Variants in MALT1 observed in about 807,000 individuals in gnomAD.
MALT1 encodes the protein mucosa-associated lymphoid tissue lymphoma translocation protein 1.
Under a neutral mutation model 85.5 loss-of-function variants are expected in MALT1, and 36 were observed. The observed-to-expected ratio is 0.42, with a 90% CI of 0.32 to 0.56. The LOEUF is 0.56. Ranked by LOEUF, MALT1 falls within the 20% of genes least tolerant of loss-of-function variation. The pLI, the probability that MALT1 is intolerant of heterozygous loss-of-function variation, is 0.10. For synonymous variants in MALT1, 359 were observed against 361.3 expected (o/e 0.99, Z 0.07); for missense variants, 716 against 981.6 (o/e 0.73, Z 3.62).
intron 3 of MALT1, among the ~76,000 whole-genome samples, chr18:58,700,165 T>C (rs1415403043): frequency 6.6e-6 from 1 of 152,242 alleles, no homozygotes; most frequent in Non-Finnish European, 1.5e-5. Flanking sequence ...ATCTCTTAAA[T>C]GCCAGAGCAA....
intron 1 of MALT1, 32 bp downstream of exon 1, chr18:58,671,884 C>T (rs1265886242): frequency 1.7e-6 from 2 of 1,182,700 alleles, no homozygotes; most frequent in Non-Finnish European, 2.1e-6. Flanking sequence ...GCCGGGCGCG[C>T]GGGTCGAGCG....
chr18:58,678,575 A>G (rs937888110), intron 1 of MALT1, among the ~76,000 whole-genome samples: 1 of 152,142 alleles, frequency 6.6e-6, no homozygotes, highest in Non-Finnish European at 1.5e-5. Context: ...AGAAAAGCTC[A>G]CCGTTCTAAG....
chr18:58,686,406 G>A (rs923717358), intron 2 of MALT1, among the ~76,000 whole-genome samples: 21 of 152,200 alleles, frequency 1.4e-4, no homozygotes, highest in African/African-American at 4.8e-4. Flanking sequence ...CATACATCAC[G>A]AAATGGTTGC....
chr18:58,721,766 C>G (rs573866696), intron 9 of MALT1, among the ~76,000 whole-genome samples: 1 of 152,132 alleles, frequency 6.6e-6, no homozygotes, highest in Non-Finnish European at 1.5e-5. Flanking sequence ...TTGTAGACGT[C>G]GAGTCAGCAA....
chr18:58,700,345 T>C, intron 3 of MALT1, 96 bp from the exon 4 acceptor site: 3 of 977,678 alleles, frequency 3.1e-6, no homozygotes, highest in Non-Finnish European at 2.9e-6. Context: ...TGTTGCACTT[T>C]CAAAGCTTCA....
chr18:58,732,493 C>T (rs1392716820), intron 10 of MALT1, among the ~76,000 whole-genome samples: 4 of 152,100 alleles, frequency 2.6e-5, no homozygotes, highest in Non-Finnish European at 1.5e-5. Flanking sequence ...GAAAAAATAG[C>T]AATCTGCGAA....
chr18:58,671,558 C>A lies in MALT1; in HGVS notation c.-86C>A. 1.0e-5 allele frequency: 9 copies of A among 901,090 alleles called. No homozygotes were observed. The South Asian group carries it at 4.0e-4, about 41-fold the overall frequency. 55.8% of individuals were successfully genotyped at this position (901,090 alleles called of 1,614,324 possible). A position where few individuals can be genotyped will look rare whatever the true frequency, so the allele number is the denominator to read the frequency against. ...TTCTTCCGCCCCTGCCTCCGCGGCT[C>A]GGAGGCGAGCGGAAGGTGCCCCGGG... is the stretch of plus-strand genomic sequence containing the variant. On this transcript the variant is annotated 5_prime_UTR_variant, in exon 1 of 17. Coordinates refer to ENST00000649217, the MANE Select transcript of MALT1 (RefSeq NM_006785.4).
Position 58,749,187 on chromosome 18 carries a change from CACTG to C in MALT1, c.*1347_*1350del. ...GTTCTACAGAATATTCTCCCATAAA[CACTG>C]AATTAAATATGGAACAACTGCTTTT... is the stretch of plus-strand genomic sequence containing the variant. On this transcript the variant is annotated 3_prime_UTR_variant, in exon 17 of 17. Coordinates refer to ENST00000649217, the MANE Select transcript of MALT1 (RefSeq NM_006785.4). 1 of 217,352 alleles carries C rather than the reference CACTG, an allele frequency of 4.6e-6. No homozygotes were observed. The highest frequency in any genetic ancestry group is 9.2e-6 in the Non-Finnish European group (1 of 108,224). 13.5% of individuals were successfully genotyped at this position (217,352 alleles called of 1,614,324 possible). A position where few individuals can be genotyped will look rare whatever the true frequency, so the allele number is the denominator to read the frequency against.
intron 14 of MALT1, among the ~76,000 whole-genome samples, chr18:58,742,637 G>A (rs1377624528): frequency 1.3e-5 from 2 of 152,216 alleles, no homozygotes; most frequent in Non-Finnish European, 2.9e-5. Context: ...GAACCTGAGA[G>A]GTGGAGGTTG....
chr18:58,703,748 G>C, intron 4 of MALT1, among the ~76,000 whole-genome samples: 1 of 152,148 alleles, frequency 6.6e-6, no homozygotes, highest in East Asian at 1.9e-4. Flanking sequence ...TGAAATTTGG[G>C]TGGGGACACA....
rs537885203 is a variant in MALT1 at position 58,710,781 on chromosome 18, A to G, written c.926-140A>G. ...TTCAGCTTAATATATTTATAGTTAT[A>G]TTGTTCATAGTTGGAGGTATTGATG... On this transcript the variant is annotated intron_variant, in intron 6 of 16. Transcript: ENST00000649217. 30 of 597,610 alleles carry G rather than the reference A, an allele frequency of 5.0e-5. No homozygotes were observed. In the African/African-American group the frequency reaches 5.1e-4, roughly 10 times the overall value. 37.0% of individuals were successfully genotyped at this position (597,610 alleles called of 1,614,324 possible). A position where few individuals can be genotyped will look rare whatever the true frequency, so the allele number is the denominator to read the frequency against.
intron 4 of MALT1, among the ~76,000 whole-genome samples, chr18:58,702,209 CAAAAAAAATGCA>C (rs2054682221): frequency 2.5e-5 from 1 of 40,774 alleles, no homozygotes; most frequent in Non-Finnish European, 6.2e-5. Flanking sequence ...CCTATCTCTA[CAAAAAAAATGCA>C]AAAAAAAAAA....
intron 4 of MALT1, among the ~76,000 whole-genome samples, chr18:58,704,530 CA>C (rs2054718397): frequency 3.9e-5 from 6 of 152,298 alleles, no homozygotes; most frequent in South Asian, 4.1e-4. Context: ...GATCATGGCT[CA>C]CTGCAACCTC....
At chr18:58,742,068 TA>T in intron 14 of MALT1, 54 bp downstream of exon 14, 1 of 1,343,436 alleles carries the variant, frequency 7.4e-7, no homozygotes, top group Non-Finnish European at 9.9e-7. Flanking sequence ...CGTTAAATCA[TA>T]AAGTTTCTTC....
intron 3 of MALT1, among the ~76,000 whole-genome samples, chr18:58,698,036 T>G (rs1419461268): frequency 2.5e-4 from 10 of 39,764 alleles, no homozygotes; most frequent in Admixed American, 5.4e-4. Context: ...ATTCGTGGGG[T>G]TTTTTGTTGT....
chr18:58,733,702 G>A (rs1186445255), intron 11 of MALT1, 128 bp downstream of exon 11: 1 of 818,766 alleles, frequency 1.2e-6, no homozygotes, highest in Admixed American at 3.1e-5. Flanking sequence ...GAAACTGGAA[G>A]AACAAAACTA....
chr18:58,730,678 T>G (rs796553336), intron 10 of MALT1, among the ~76,000 whole-genome samples: 2 of 152,344 alleles, frequency 1.3e-5, no homozygotes, highest in South Asian at 2.1e-4. Flanking sequence ...TATGGTAATC[T>G]ATATTTAACT....
chr18:58,731,825 T>G (rs960222162), intron 10 of MALT1, among the ~76,000 whole-genome samples: 1 of 152,178 alleles, frequency 6.6e-6, no homozygotes, highest in Non-Finnish European at 1.5e-5. Context: ...GATCTCCTGC[T>G]TAGAGGTCAG....
chr18:58,677,459 T>C (rs1158441058), intron 1 of MALT1: 1 of 152,178 alleles, frequency 6.6e-6, no homozygotes, highest in Non-Finnish European at 1.5e-5. Context: ...TTTACAAATC[T>C]CATTCTAATT....
Sources: gnomAD v4.1 joint callset for allele counts (sites outside exome capture counted in the v4.1 genomes callset) on GRCh38, gnomAD v4.1.1 for gene constraint, MANE v1.5 for transcripts, NCBI Gene and HGNC (gene_info 2026-07-23, HGNC 2026-07-21) for gene names.